ZSCAN5A: variants seen among roughly 807,000 people sequenced by gnomAD.
The protein encoded by ZSCAN5A is zinc finger and SCAN domain containing 5A.
In ZSCAN5A, 12 loss-of-function variants were observed where a neutral mutation model predicts 23.7. The observed-to-expected ratio is 0.51, with a 90% CI of 0.32 to 0.82. ZSCAN5A has a LOEUF of 0.82. ZSCAN5A is among the 40% of genes least tolerant of loss of function. The pLI, the probability that ZSCAN5A is intolerant of heterozygous loss-of-function variation, is 0.03. For synonymous variants in ZSCAN5A, 257 were observed against 239.9 expected (o/e 1.07, Z -0.66); for missense variants, 597 against 617.9 (o/e 0.97, Z 0.36).
At chr19:56,276,844 A>C (rs1032522591) in intron 2 of ZSCAN5A, among the ~76,000 whole-genome samples, 1 of 152,082 alleles carries the variant, frequency 6.6e-6, no homozygotes, top group African/African-American at 2.4e-5. Context: ...GCCAAAGGTT[A>C]TCTTTATTGA....
intron 2 of ZSCAN5A, among the ~76,000 whole-genome samples, chr19:56,327,223 ACTC>A (rs1320862345): frequency 4.0e-5 from 6 of 151,480 alleles, no homozygotes; most frequent in African/African-American, 1.5e-4. Flanking sequence ...CTCAAGCAAT[ACTC>A]CTGCCTCAGC....
chr19:56,257,712 C>G (rs1461979224), intron 2 of ZSCAN5A, among the ~76,000 whole-genome samples: 2 of 132,588 alleles, frequency 1.5e-5, no homozygotes, highest in Non-Finnish European at 3.2e-5. Flanking sequence ...GGGGACTCTG[C>G]AAGCCTTTCA....
chr19:56,323,880 G>T (rs2041407872), intron 2 of ZSCAN5A, among the ~76,000 whole-genome samples: 1 of 151,578 alleles, frequency 6.6e-6, no homozygotes, highest in South Asian at 2.1e-4. Context: ...TATATATATT[G>T]TGGGATCAGT....
At chr19:56,260,330 T>G (rs908646290) in intron 2 of ZSCAN5A, among the ~76,000 whole-genome samples, 2 of 151,608 alleles carry the variant, frequency 1.3e-5, no homozygotes, top group African/African-American at 4.8e-5. Context: ...TTCTCCTGCC[T>G]TAGCCTTCCT....
At chr19:56,353,224 A>G (rs1568764855) in intron 2 of ZSCAN5A, among the ~76,000 whole-genome samples, 1 of 152,210 alleles carries the variant, frequency 6.6e-6, no homozygotes, top group Non-Finnish European at 1.5e-5. Flanking sequence ...AAGCACATAC[A>G]GGGAAGCTGG....
At chr19:56,346,085 G>A (rs1163579825) in intron 2 of ZSCAN5A, among the ~76,000 whole-genome samples, 1 of 150,420 alleles carries the variant, frequency 6.6e-6, no homozygotes, top group Non-Finnish European at 1.5e-5. Flanking sequence ...AGAAAGGAGA[G>A]ACAGCAGAAG....
chr19:56,337,274 C>T (rs927781256), intron 2 of ZSCAN5A, among the ~76,000 whole-genome samples: 7 of 152,248 alleles, frequency 4.6e-5, no homozygotes, highest in Admixed American at 1.3e-4. Flanking sequence ...ACTCAAGCCC[C>T]GGCAATGGCA....
chr19:56,323,012 A>G (rs1310708069), intron 2 of ZSCAN5A, among the ~76,000 whole-genome samples: 2 of 148,184 alleles, frequency 1.3e-5, no homozygotes, highest in Non-Finnish European at 3.0e-5. Context: ...CTCCTGCCTC[A>G]GCCTCCCAAG....
At chr19:56,238,557 G>T (rs1018132962) in intron 2 of ZSCAN5A, among the ~76,000 whole-genome samples, 1 of 152,148 alleles carries the variant, frequency 6.6e-6, no homozygotes, top group Non-Finnish European at 1.5e-5. Flanking sequence ...GCTCTCTTGA[G>T]CCCAGGGGTT....
intron 2 of ZSCAN5A, chr19:56,244,381 A>G (rs781497621): frequency 8.3e-6 from 13 of 1,563,756 alleles, no homozygotes; most frequent in Non-Finnish European, 1.1e-5. Flanking sequence ...AGAGCTGCAA[A>G]GACCTGGAGG....
chr19:56,306,163 G>A (rs1400681348), intron 2 of ZSCAN5A, among the ~76,000 whole-genome samples: 1 of 152,198 alleles, frequency 6.6e-6, no homozygotes, highest in African/African-American at 2.4e-5. Flanking sequence ...CAGTTAAGAG[G>A]CTACTCAGTT....
At chr19:56,300,900 G>C (rs2040181788) in intron 2 of ZSCAN5A, among the ~76,000 whole-genome samples, 3 of 152,164 alleles carry the variant, frequency 2.0e-5, no homozygotes, top group Admixed American at 1.3e-4. Flanking sequence ...CACCTCATGA[G>C]GTTTGACATA....
intron 1 of ZSCAN5A, chr19:56,363,497 AG>A (rs1326410770): frequency 1.3e-5 from 2 of 152,222 alleles, no homozygotes; most frequent in African/African-American, 4.8e-5. Context: ...AAGAGTTTGG[AG>A]GGCTCAGAAG....
At chr19:56,236,486 G>A (rs372371661) in intron 2 of ZSCAN5A, among the ~76,000 whole-genome samples, 3 of 49,472 alleles carry the variant, frequency 6.1e-5, no homozygotes, top group Admixed American at 2.2e-4. Context: ...CTCCATTCCA[G>A]CCTCTGATGG....
At position 56,311,989 on chromosome 19, in the gene ZSCAN5A, C is replaced by T. The variant is rs556487541; in HGVS notation, c.-128+1294G>A. 12 of 152,288 alleles carry T rather than the reference C, an allele frequency of 7.9e-5. 1 individual carries two copies. Among genetic ancestry groups the T allele is most frequent in the African/African-American group, 2.9e-4 (12 of 41,538 alleles). The allele number at this position is 152,288 out of a possible 1,614,324, so 9.4% of individuals were successfully genotyped here. A position where few individuals can be genotyped will look rare whatever the true frequency, so the allele number is the denominator to read the frequency against. On this transcript the variant is annotated intron_variant, in intron 2 of 5. Transcript: ENST00000683990. Reference sequence around the variant, plus strand: ...TTATCCAATAAAAATCTGTGAGCCACACTTATTTCACACTTCCTACTAGCC... The same window carrying T: ...TTATCCAATAAAAATCTGTGAGCCATACTTATTTCACACTTCCTACTAGCC...
At chr19:56,228,227 A>G in intron 2 of ZSCAN5A, 2 of 985,274 alleles carry the variant, frequency 2.0e-6, no homozygotes, top group Non-Finnish European at 2.4e-6. Context: ...CCTAAACCCG[A>G]CAGACATCCC....
intron 2 of ZSCAN5A, among the ~76,000 whole-genome samples, chr19:56,248,242 C>G (rs988469937): frequency 6.6e-6 from 1 of 151,744 alleles, no homozygotes; most frequent in Non-Finnish European, 1.5e-5. Flanking sequence ...GTATTGTTTT[C>G]TTTTTTGCTT....
intron 2 of ZSCAN5A, among the ~76,000 whole-genome samples, chr19:56,225,849 C>T (rs2033873821): frequency 6.6e-6 from 1 of 151,366 alleles, no homozygotes; most frequent in Non-Finnish European, 1.5e-5. Flanking sequence ...CAGTGATCAC[C>T]CCCTGCCCAC....
chr19:56,286,509 C>T (rs893640016), intron 2 of ZSCAN5A: 2 of 152,162 alleles, frequency 1.3e-5, no homozygotes, highest in Admixed American at 6.5e-5. Context: ...TGCTTTATAC[C>T]GCTTGAGTAA....
Sources: allele counts gnomAD v4.1 joint callset (sites outside exome capture counted in the v4.1 genomes callset), GRCh38; gene constraint gnomAD v4.1.1; transcripts MANE v1.5; gene names NCBI Gene and HGNC (gene_info 2026-07-23, HGNC 2026-07-21).